Variants in CDK17 observed in about 807,000 individuals in gnomAD.
CDK17 encodes cyclin-dependent kinase 17.
A neutral mutation model predicts 77.6 loss-of-function variants in CDK17; 24 were observed. That is an observed-to-expected ratio of 0.31 (90% CI 0.22 to 0.44). The LOEUF is 0.44. Among genes scored for constraint, CDK17 ranks in the 20% least tolerant of loss-of-function variants. The pLI is 1.00. For missense variants in CDK17, 429 were observed against 622.5 expected (o/e 0.69, Z 3.31); for synonymous variants, 203 against 210.4 (o/e 0.96, Z 0.30).
chr12:96,298,218 C>T (rs766877482), intron 7 of CDK17, among the ~76,000 whole-genome samples: 7 of 151,338 alleles, frequency 4.6e-5, no homozygotes, highest in Admixed American at 1.3e-4. Context: ...ACCCAGGAGG[C>T]GGAGCTTGCA....
intron 1 of CDK17, among the ~76,000 whole-genome samples, chr12:96,366,507 T>C (rs2137198462): frequency 6.6e-6 from 1 of 152,324 alleles, no homozygotes; most frequent in East Asian, 1.9e-4. Context: ...GTAAAAATTA[T>C]CTCTGAAAAA....
chr12:96,351,133 A>G (rs1356751069), intron 1 of CDK17, among the ~76,000 whole-genome samples: 1 of 152,214 alleles, frequency 6.6e-6, no homozygotes, highest in Non-Finnish European at 1.5e-5. Context: ...CCACTATGAG[A>G]TACCACCTCA....
At chr12:96,292,868 CAATTA>C (rs1952344755) in intron 10 of CDK17, among the ~76,000 whole-genome samples, 2 of 151,912 alleles carry the variant, frequency 1.3e-5, no homozygotes, top group Admixed American at 1.3e-4. Flanking sequence ...TAAATAGCTA[CAATTA>C]AATTACTGAG....
At chr12:96,356,759 T>C (rs954164734) in intron 1 of CDK17, among the ~76,000 whole-genome samples, 2 of 152,252 alleles carry the variant, frequency 1.3e-5, no homozygotes, top group South Asian at 4.1e-4. Flanking sequence ...CACCATCATT[T>C]GTATAAATAA....
At chr12:96,397,158 A>G (rs1954184581) in intron 1 of CDK17, among the ~76,000 whole-genome samples, 1 of 152,228 alleles carries the variant, frequency 6.6e-6, no homozygotes, top group Non-Finnish European at 1.5e-5. Context: ...TTTATATGCC[A>G]TCTAGTTTCG....
Position 96,311,180 on chromosome 12 carries a change from T to TAAA in CDK17, c.418-6_418-4dup, listed in dbSNP as rs11285567. On this transcript the variant is annotated splice_polypyrimidine_tract_variant and splice_region_variant and intron_variant, in intron 4 of 16. Transcript: ENST00000261211. ...AGTGATAACCGCTTATTTAAATCCT[T>TAAA]AAAAAAAAAAAAAGGTAATCCAAAA... 2.6e-5 allele frequency: 33 copies of TAAA among 1,287,446 alleles called. No individual in the cohort carries two copies. The highest frequency in any genetic ancestry group is 7.7e-5 in the South Asian group (5 of 65,132). 79.8% of individuals were successfully genotyped at this position (1,287,446 alleles called of 1,614,324 possible).
chr12:96,335,738 G>A (rs1953032358), intron 1 of CDK17, among the ~76,000 whole-genome samples: 1 of 152,070 alleles, frequency 6.6e-6, no homozygotes, highest in Non-Finnish European at 1.5e-5. Context: ...TTTTCTTACA[G>A]GTACATAAAT....
chr12:96,357,545 A>G (rs749087139), intron 1 of CDK17, among the ~76,000 whole-genome samples: 31 of 152,332 alleles, frequency 2.0e-4, no homozygotes, highest in Non-Finnish European at 3.7e-4. Context: ...GAGTGTGCAT[A>G]TAAGTAATGC....
At chr12:96,316,003 G>C (rs12369449) in intron 3 of CDK17, among the ~76,000 whole-genome samples, 7,803 of 152,206 alleles carry the variant, frequency 0.051, 289 homozygotes, top group Non-Finnish European at 0.075. Context: ...CAGCGTGAGC[G>C]ACGCAGAAGA....
chr12:96,392,971 G>A (rs1000649483), intron 1 of CDK17, among the ~76,000 whole-genome samples: 3 of 152,114 alleles, frequency 2.0e-5, no homozygotes, highest in Non-Finnish European at 4.4e-5. Flanking sequence ...ATACAATATT[G>A]AGGACGTAAC....
In CDK17 at chr12:96,380,910, C is replaced by T. The variant is rs942734247; in HGVS notation, c.-30+19076G>A. On this transcript the variant is annotated intron_variant, in intron 1 of 16. Coordinates refer to ENST00000261211, the MANE Select transcript of CDK17 (RefSeq NM_002595.5). Reference sequence around the variant, plus strand: ...AGGAATATAAATTTTTTTCATATCCCTTTTTTACATGTTCTTTTATCCTAC... The same window carrying T: ...AGGAATATAAATTTTTTTCATATCCTTTTTTTACATGTTCTTTTATCCTAC... Among the ~76,000 whole-genome samples, 9 of 152,036 alleles carry T rather than the reference C, an allele frequency of 5.9e-5. No individual in the cohort carries two copies. In the East Asian group the frequency reaches 1.3e-3, roughly 23 times the overall value.
At chr12:96,376,137 G>A (rs535458931) in intron 1 of CDK17, among the ~76,000 whole-genome samples, 3 of 152,144 alleles carry the variant, frequency 2.0e-5, no homozygotes, top group African/African-American at 7.2e-5. Context: ...GGAAACTCCT[G>A]CTCAGGCAGA....
chr12:96,382,380 C>G (rs1257516264), intron 1 of CDK17, among the ~76,000 whole-genome samples: 1 of 148,828 alleles, frequency 6.7e-6, no homozygotes, highest in Admixed American at 6.7e-5. Flanking sequence ...AAAATCCTAC[C>G]AACCAAAAAA....
chr12:96,353,617 C>T (rs947713267), intron 1 of CDK17, among the ~76,000 whole-genome samples: 3 of 147,608 alleles, frequency 2.0e-5, no homozygotes, highest in African/African-American at 7.4e-5. Context: ...GGGGGGGGCG[C>T]GGGTACAAAT....
rs1952430092 is a variant in CDK17 at position 96,297,779 on chromosome 12, G to A, written c.716-58C>T. 6.3e-6 allele frequency: 6 copies of A among 946,428 alleles called. No individual in the cohort carries two copies. The East Asian group carries it at 1.4e-4, about 23-fold the overall frequency. 58.6% of individuals were successfully genotyped at this position (946,428 alleles called of 1,614,324 possible). A position where few individuals can be genotyped will look rare whatever the true frequency, so the allele number is the denominator to read the frequency against. On this transcript the variant is annotated intron_variant, in intron 7 of 16. Coordinates refer to ENST00000261211, the MANE Select transcript of CDK17 (RefSeq NM_002595.5). ...GTGGCAGTCTTTATAAAAACCTGAAGTAAGTTGAACATACGAACTGATTAA... is the reference window on the plus strand; with the variant it reads ...GTGGCAGTCTTTATAAAAACCTGAAATAAGTTGAACATACGAACTGATTAA...
At chr12:96,332,482 G>T (rs1393450794) in intron 2 of CDK17, among the ~76,000 whole-genome samples, 1 of 152,212 alleles carries the variant, frequency 6.6e-6, no homozygotes, top group African/African-American at 2.4e-5. Flanking sequence ...GTCTGTGTAT[G>T]TGACCTGTCT....
chr12:96,369,182 A>AT (rs551612626), intron 1 of CDK17, among the ~76,000 whole-genome samples: 78 of 152,286 alleles, frequency 5.1e-4, no homozygotes, highest in Non-Finnish European at 9.4e-4. Flanking sequence ...ATCTATATAC[A>AT]TATCTTTACA....
At chr12:96,334,052 C>CT (rs1425113160) in intron 2 of CDK17, among the ~76,000 whole-genome samples, 56 of 152,288 alleles carry the variant, frequency 3.7e-4, no homozygotes, top group African/African-American at 1.3e-3. Context: ...CCACAAATCT[C>CT]TAACAGCAGA....
intron 1 of CDK17, among the ~76,000 whole-genome samples, chr12:96,336,788 T>C (rs1953046395): frequency 6.6e-6 from 1 of 152,206 alleles, no homozygotes; most frequent in Non-Finnish European, 1.5e-5. Context: ...AGCTCTAGAA[T>C]TTCCATTTGA....
Sources: gnomAD v4.1 joint callset for allele counts (sites outside exome capture counted in the v4.1 genomes callset) on GRCh38, gnomAD v4.1.1 for gene constraint, MANE v1.5 for transcripts, NCBI Gene and HGNC (gene_info 2026-07-23, HGNC 2026-07-21) for gene names.